The following MECOM variants were observed in gnomAD, a reference collection of about 807,000 sequenced individuals.
MECOM encodes histone-lysine N-methyltransferase MECOM.
MECOM carries 13 observed loss-of-function variants against 116.3 expected under a neutral mutation model. The ratio of observed to expected loss-of-function variants is 0.11; its 90% CI spans 0.07 to 0.18. The LOEUF (loss-of-function observed/expected upper bound fraction) is 0.18. Among genes scored for constraint, MECOM ranks in the 10% least tolerant of loss-of-function variants. The pLI is 1.00. For synonymous variants in MECOM, 528 were observed against 535.2 expected (o/e 0.99, Z 0.19); for missense variants, 1,299 against 1,509.0 (o/e 0.86, Z 2.31).
At chr3:169,616,373 TCTTG>T (rs1320239839) in intron 1 of MECOM, among the ~76,000 whole-genome samples, 1 of 152,044 alleles carries the variant, frequency 6.6e-6, no homozygotes, top group Non-Finnish European at 1.5e-5. Context: ...GGAGATAGAG[TCTTG>T]CTCTGTTGCC....
intron 2 of MECOM, among the ~76,000 whole-genome samples, chr3:169,151,999 A>G (rs1359437898): frequency 6.6e-6 from 1 of 152,024 alleles, no homozygotes; most frequent in Non-Finnish European, 1.5e-5. Flanking sequence ...CTAAGGTGAT[A>G]TTCTGTTTAA....
chr3:169,299,909 G>A (rs1667889211), intron 2 of MECOM, among the ~76,000 whole-genome samples: 2 of 152,146 alleles, frequency 1.3e-5, no homozygotes, highest in Admixed American at 1.3e-4. Flanking sequence ...ATGTGGATAA[G>A]TATTGATGTC....
At chr3:169,330,905 G>C (rs1439203936) in intron 2 of MECOM, among the ~76,000 whole-genome samples, 2 of 151,776 alleles carry the variant, frequency 1.3e-5, no homozygotes, top group Non-Finnish European at 2.9e-5. Context: ...TCTATATATA[G>C]AAATATATAT....
chr3:169,096,692 CTA>C (rs1472665305), intron 12 of MECOM, among the ~76,000 whole-genome samples: 2 of 152,176 alleles, frequency 1.3e-5, no homozygotes, highest in Non-Finnish European at 2.9e-5. Context: ...TTCAAGTGCT[CTA>C]AAGCAGAAGT....
At position 169,378,458 on chromosome 3, in the gene MECOM, CAAGCAAGCAAGCAAGCAAGA is replaced by C; in HGVS notation, c.375+2709_375+2728del. ...GAAAGAAAGAAAGAAAGAAGGAAAG[CAAGCAAGCAAGCAAGCAAGA>C]AAGAGAGAGAGAAAGAAAGAAAGAA... On this transcript the variant is annotated intron_variant, in intron 2 of 16. Coordinates refer to ENST00000651503, the MANE Select transcript of MECOM (RefSeq NM_004991.4). Among the ~76,000 whole-genome samples the C allele has an allele frequency of 4.8e-5, 2 of 41,860 alleles. 1 individual carries two copies. Among genetic ancestry groups the C allele is most frequent in the African/African-American group, 2.5e-4 (2 of 8,104 alleles). 27.5% of individuals were successfully genotyped at this position (41,860 alleles called of 152,430 possible).
chr3:169,147,639 T>C (rs985145464), intron 2 of MECOM: 26 of 985,302 alleles, frequency 2.6e-5, no homozygotes, highest in Non-Finnish European at 3.0e-5. Context: ...AAACAACCAA[T>C]GGGGAGATCT....
intron 1 of MECOM, among the ~76,000 whole-genome samples, chr3:169,387,230 C>CAATGAGTGA (rs1236634651): frequency 6.6e-6 from 1 of 151,908 alleles, no homozygotes; most frequent in East Asian, 1.9e-4. Flanking sequence ...CTTGGATTAC[C>CAATGAGTGA]AATGAGTGAT....
At chr3:169,100,304 A>G (rs1367902391) in intron 12 of MECOM, among the ~76,000 whole-genome samples, 1 of 151,746 alleles carries the variant, frequency 6.6e-6, no homozygotes, top group Admixed American at 6.6e-5. Context: ...TCACCATGTT[A>G]GCCAGGCTGA....
At chr3:169,396,396 A>G (rs1476370219) in intron 1 of MECOM, among the ~76,000 whole-genome samples, 2 of 152,186 alleles carry the variant, frequency 1.3e-5, no homozygotes, top group Non-Finnish European at 1.5e-5. Context: ...GCTATTTCCA[A>G]TTGGGATGTG....
At chr3:169,389,862 C>G (rs1307468322) in intron 1 of MECOM, among the ~76,000 whole-genome samples, 8 of 152,222 alleles carry the variant, frequency 5.3e-5, no homozygotes. Context: ...CAGGAATTTA[C>G]TGATGACGGA....
At chr3:169,583,374 A>G (rs2109556392) in intron 1 of MECOM, among the ~76,000 whole-genome samples, 1 of 152,336 alleles carries the variant, frequency 6.6e-6, no homozygotes, top group Non-Finnish European at 1.5e-5. Context: ...ACCGCATTGC[A>G]TCTGTTGGGG....
At chr3:169,460,544 A>G (rs1036435569) in intron 1 of MECOM, among the ~76,000 whole-genome samples, 5 of 152,230 alleles carry the variant, frequency 3.3e-5, no homozygotes, top group Non-Finnish European at 5.9e-5. Context: ...GAGGCAATTA[A>G]ATACATTTCA....
chr3:169,404,468 A>G (rs1350765888), intron 1 of MECOM, among the ~76,000 whole-genome samples: 1 of 152,216 alleles, frequency 6.6e-6, no homozygotes, highest in Non-Finnish European at 1.5e-5. Context: ...TTAGAAATAA[A>G]CTCCAAACAA....
At chr3:169,378,462 CAA>C (rs1560196974) in intron 2 of MECOM, among the ~76,000 whole-genome samples, 406 of 39,190 alleles carry the variant, frequency 0.01, 33 homozygotes, top group East Asian at 0.032. Context: ...GGAAAGCAAG[CAA>C]GCAAGCAAGC....
rs1730876110 is a variant in MECOM at position 169,121,103 on chromosome 3, C to T, written c.1085G>A (p.Gly362Asp). ...GTGGATGTGCTTGTGTTGTTTGAGG[C>T]CCGACGAAGTGGCAAACGTTTTGCC... ...ECGKTFATSS[G>D]LKQHKHIHSS... The change falls in exon 7 of 17, where the codon GGC becomes GAC. Residue 362 changes from glycine to aspartate, a missense_variant. Around this residue, in one of 6 missense-constraint regions of MECOM, gnomAD observed 42 missense variants for 103.9 expected, o/e 0.40. Transcript: ENST00000651503. 6.2e-7 allele frequency: 1 copy of T among 1,613,464 alleles called. No individual in the cohort carries two copies. Among genetic ancestry groups the T allele is most frequent in the Non-Finnish European group, 8.5e-7 (1 of 1,179,704 alleles).
chr3:169,284,228 G>A (rs180803475), intron 2 of MECOM, among the ~76,000 whole-genome samples: 170 of 152,222 alleles, frequency 1.1e-3, no homozygotes, highest in Non-Finnish European at 2.0e-3. Flanking sequence ...CTGCATTTAC[G>A]ATACCGCCTG....
intron 1 of MECOM, among the ~76,000 whole-genome samples, chr3:169,484,691 AT>A (rs1751886041): frequency 6.6e-6 from 1 of 152,236 alleles, no homozygotes; most frequent in African/African-American, 2.4e-5. Flanking sequence ...ATAATTAAAT[AT>A]TAACAACAGA....
At chr3:169,346,712 AT>A (rs1480089326) in intron 2 of MECOM, among the ~76,000 whole-genome samples, 1 of 151,948 alleles carries the variant, frequency 6.6e-6, no homozygotes, top group Non-Finnish European at 1.5e-5. Flanking sequence ...ATAAAAAAAA[AT>A]TTAAAATACT....
At chr3:169,428,600 C>A (rs1370500278) in intron 1 of MECOM, among the ~76,000 whole-genome samples, 2 of 152,192 alleles carry the variant, frequency 1.3e-5, no homozygotes, top group Non-Finnish European at 2.9e-5. Context: ...TTTGTTATGA[C>A]AGCCCTAGCA....
Sources: gnomAD v4.1 joint callset for allele counts (sites outside exome capture counted in the v4.1 genomes callset) on GRCh38, gnomAD v4.1.1 for gene constraint, gnomAD v4.1.1 regional missense constraint, MANE v1.5 for transcripts, NCBI Gene and HGNC (gene_info 2026-07-23, HGNC 2026-07-21) for gene names.